The following GABRB1 variants were observed in gnomAD, a reference collection of about 807,000 sequenced individuals.
GABRB1 encodes the protein gamma-aminobutyric acid type A receptor subunit beta1, also known as gamma-aminobutyric acid receptor subunit beta-1.
In GABRB1, 17 loss-of-function variants were observed where a neutral mutation model predicts 51.6. That is an observed-to-expected ratio of 0.33 (90% CI 0.23 to 0.49). The LOEUF (loss-of-function observed/expected upper bound fraction) is 0.49. GABRB1 is among the 20% of genes least tolerant of loss of function. The pLI, the probability that GABRB1 is intolerant of heterozygous loss-of-function variation, is 0.99. For missense variants in GABRB1, 410 were observed against 600.6 expected (o/e 0.68, Z 3.32); for synonymous variants, 247 against 218.9 (o/e 1.13, Z -1.14).
At chr4:47,107,998 T>G (rs1286958426) in intron 3 of GABRB1, among the ~76,000 whole-genome samples, 2 of 152,098 alleles carry the variant, frequency 1.3e-5, no homozygotes, top group Admixed American at 1.3e-4. Context: ...TTCCCATTAT[T>G]AGGGAACCAG....
At chr4:47,234,568 T>C (rs1377610267) in intron 4 of GABRB1, among the ~76,000 whole-genome samples, 9 of 152,196 alleles carry the variant, frequency 5.9e-5, no homozygotes, top group African/African-American at 1.7e-4. Context: ...CGCTTCATTT[T>C]TAAAAAATAC....
intron 3 of GABRB1, among the ~76,000 whole-genome samples, chr4:47,072,600 G>A (rs1323586846): frequency 2.0e-5 from 3 of 152,088 alleles, no homozygotes; most frequent in Non-Finnish European, 4.4e-5. Context: ...GTTTGATAAT[G>A]CCTCTCTAAT....
intron 4 of GABRB1, among the ~76,000 whole-genome samples, chr4:47,171,736 A>G (rs1718441613): frequency 1.3e-5 from 2 of 152,168 alleles, no homozygotes; most frequent in African/African-American, 4.8e-5. Flanking sequence ...ATTTACAATG[A>G]TAGTTCCTCA....
intron 5 of GABRB1, among the ~76,000 whole-genome samples, chr4:47,322,475 T>C (rs990249205): frequency 3.3e-5 from 5 of 152,202 alleles, no homozygotes; most frequent in Non-Finnish European, 4.4e-5. Flanking sequence ...TGACTAAAGC[T>C]GGGTATTATA....
intron 4 of GABRB1, among the ~76,000 whole-genome samples, chr4:47,185,174 C>T (rs966863581): frequency 1.3e-5 from 2 of 151,766 alleles, no homozygotes; most frequent in African/African-American, 4.8e-5. Flanking sequence ...TTTCTCAATG[C>T]TCTTCTCTGT....
rs1387663835 is a variant in GABRB1 at position 47,155,926 on chromosome 4, T to TATATATATATATATATATAC, written c.241-5304_241-5303insCATATATATATATATATATA. ...AAAAAGAGGTATTTTCATATATATA[T>TATATATATATATATATATAC]ATATATATATATATATATATGAAAC... On this transcript the variant is annotated intron_variant, in intron 3 of 8. Transcript: ENST00000295454. 5.5e-5 allele frequency among the ~76,000 whole-genome samples: 5 copies of TATATATATATATATATATAC among 91,496 alleles called. No individual in the cohort carries two copies. In the East Asian group the frequency reaches 2.6e-3, roughly 47 times the overall value. 60.0% of individuals were successfully genotyped at this position (91,496 alleles called of 152,430 possible).
intron 5 of GABRB1, among the ~76,000 whole-genome samples, chr4:47,399,143 T>C (rs1008986579): frequency 7.9e-5 from 12 of 152,220 alleles, no homozygotes; most frequent in Non-Finnish European, 1.6e-4. Flanking sequence ...AGAACTAGTG[T>C]TGAAAGTTAT....
At chr4:47,236,644 T>G (rs1721343242) in intron 4 of GABRB1, among the ~76,000 whole-genome samples, 1 of 152,174 alleles carries the variant, frequency 6.6e-6, no homozygotes, top group African/African-American at 2.4e-5. Context: ...ACGTTTATTG[T>G]GAGAGATTTT....
intron 3 of GABRB1, among the ~76,000 whole-genome samples, chr4:47,146,717 G>C (rs748112779): frequency 2.6e-5 from 4 of 152,054 alleles, no homozygotes; most frequent in Non-Finnish European, 4.4e-5. Context: ...CATTTTGCTA[G>C]ACAGAAGAGC....
At chr4:47,137,332 T>TAG (rs4032271) in intron 3 of GABRB1, among the ~76,000 whole-genome samples, 136,829 of 151,946 alleles carry the variant, frequency 0.9, 61,691 homozygotes, top group South Asian at 0.93. Context: ...AGTCCTTTGC[T>TAG]GTTTCTGGCA....
At chr4:47,293,109 A>G (rs1297706926) in intron 4 of GABRB1, among the ~76,000 whole-genome samples, 1 of 152,082 alleles carries the variant, frequency 6.6e-6, no homozygotes. Context: ...GAGTAAGCAC[A>G]TAGTTTTGTT....
At chr4:47,212,415 G>A (rs1837884) in intron 4 of GABRB1, among the ~76,000 whole-genome samples, 1 of 151,924 alleles carries the variant, frequency 6.6e-6, no homozygotes, top group Non-Finnish European at 1.5e-5. Context: ...GGTGGCTCAC[G>A]CCTGTAATCC....
At chr4:47,099,899 A>G (rs1714646632) in intron 3 of GABRB1, among the ~76,000 whole-genome samples, 1 of 151,954 alleles carries the variant, frequency 6.6e-6, no homozygotes, top group East Asian at 1.9e-4. Context: ...TTATTTAGTG[A>G]TTACAGAAAA....
chr4:47,077,935 ATATTTTATATATAT>A (rs1225766551), intron 3 of GABRB1, among the ~76,000 whole-genome samples: 7 of 119,636 alleles, frequency 5.9e-5, no homozygotes, highest in East Asian at 2.2e-4. Context: ...TATATATTAT[ATATTTTATATATAT>A]TATATATTTT....
At position 47,320,228 on chromosome 4, in the gene GABRB1, G is replaced by T; in HGVS notation, c.544+19G>T. 1 of 1,477,752 alleles carries T rather than the reference G, an allele frequency of 6.8e-7. No homozygotes were observed. Among genetic ancestry groups the T allele is most frequent in the South Asian group, 1.1e-5 (1 of 88,112 alleles). The allele number at this position is 1,477,752 out of a possible 1,614,324, so 91.5% of individuals were successfully genotyped here. A position where few individuals can be genotyped will look rare whatever the true frequency, so the allele number is the denominator to read the frequency against. On this transcript the variant is annotated intron_variant, in intron 5 of 8. Transcript: ENST00000295454. ...GAAAGTTGTGAGTTACTTGGACAGG[G>T]GAATGAAAAAGAGGGATTCTTCCTT...
chr4:47,030,370 C>T (rs1383974699), upstream of GABRB1, among the ~76,000 whole-genome samples: 3 of 151,784 alleles, frequency 2.0e-5, no homozygotes, highest in South Asian at 2.1e-4. Flanking sequence ...GTTTCTTGAC[C>T]TTGAGACACT....
At chr4:47,069,857 C>T (rs756982030) in intron 3 of GABRB1, among the ~76,000 whole-genome samples, 7 of 152,160 alleles carry the variant, frequency 4.6e-5, no homozygotes, top group East Asian at 1.9e-4. Context: ...CAATTTCTTT[C>T]CATGCATTTC....
chr4:47,403,735 A>G, intron 7 of GABRB1, 24 bp downstream of exon 7: 1 of 1,600,104 alleles, frequency 6.2e-7, no homozygotes, highest in Non-Finnish European at 8.5e-7. Context: ...AGCACTGCAG[A>G]GAGCTAACAG....
At chr4:47,094,166 T>C (rs1035865818) in intron 3 of GABRB1, among the ~76,000 whole-genome samples, 2 of 152,014 alleles carry the variant, frequency 1.3e-5, no homozygotes, top group African/African-American at 4.8e-5. Flanking sequence ...CAAAAGTTTT[T>C]AAACTATAGT....
Sources: allele counts gnomAD v4.1 joint callset (sites outside exome capture counted in the v4.1 genomes callset), GRCh38; gene constraint gnomAD v4.1.1; transcripts MANE v1.5; gene names NCBI Gene and HGNC (gene_info 2026-07-23, HGNC 2026-07-21).